The following KANSL1L variants were observed in gnomAD, a reference collection of about 807,000 sequenced individuals.
The protein encoded by KANSL1L is KAT8 regulatory NSL complex subunit 1-like protein.
In KANSL1L, 25 loss-of-function variants were observed where a neutral mutation model predicts 108.6. That is an observed-to-expected ratio of 0.23 (90% CI 0.17 to 0.32). The LOEUF (loss-of-function observed/expected upper bound fraction) is 0.32, where lower values mean the gene tolerates loss of function less well. Ranked by LOEUF, KANSL1L falls within the 10% of genes least tolerant of loss-of-function variation. The pLI, the probability that KANSL1L is intolerant of heterozygous loss-of-function variation, is 1.00. For synonymous variants in KANSL1L, 405 were observed against 395.1 expected, an observed-to-expected ratio of 1.03 and a Z score of -0.30; for missense variants, 1,137 against 1,125.7, an observed-to-expected ratio of 1.01 and a Z score of -0.14.
At chr2:210,134,657 G>A (rs1326810980) in intron 2 of KANSL1L, among the ~76,000 whole-genome samples, 1 of 152,116 alleles carries the variant, frequency 6.6e-6, no homozygotes, top group Non-Finnish European at 1.5e-5. Flanking sequence ...TTGAGGGAGA[G>A]GTGGATAGTC....
At chr2:210,141,127 C>CTCCT (rs1485184345) in intron 2 of KANSL1L, among the ~76,000 whole-genome samples, 3 of 151,460 alleles carry the variant, frequency 2.0e-5, no homozygotes, top group Non-Finnish European at 4.4e-5. Flanking sequence ...CCCTCACTCC[C>CTCCT]TCCTTCCTTC....
At chr2:210,043,899 GA>G in intron 7 of KANSL1L, 39 bp downstream of exon 7, 1 of 1,382,424 alleles carries the variant, frequency 7.2e-7, no homozygotes, top group South Asian at 1.4e-5. Flanking sequence ...TTTCAGTACA[GA>G]AAATATCGTT....
At chr2:210,080,807 T>G (rs1169294379) in intron 5 of KANSL1L, among the ~76,000 whole-genome samples, 1 of 151,898 alleles carries the variant, frequency 6.6e-6, no homozygotes, top group Non-Finnish European at 1.5e-5. Flanking sequence ...CTTGTCCCTT[T>G]TTGCCTTATC....
In KANSL1L at chr2:210,170,555, G is replaced by C. The variant is rs115131201; in HGVS notation, c.-30+594C>G. 1,236 of 166,522 alleles carry C rather than the reference G, an allele frequency of 7.4e-3. 19 individuals carry two copies. The highest frequency in any genetic ancestry group is 0.028 in the African/African-American group (1,163 of 41,800). 10.3% of individuals were successfully genotyped at this position (166,522 alleles called of 1,614,324 possible). On this transcript the variant is annotated intron_variant, in intron 1 of 14. Transcript: ENST00000281772. The stretch of plus-strand genomic sequence containing the variant: ...GACCGGTCCCTTCCTCAGCACACCG[G>C]TGACACAAACTTGGAAGCACCGTCC...
At chr2:210,094,530 G>T (rs2094719347) in intron 5 of KANSL1L, among the ~76,000 whole-genome samples, 1 of 152,008 alleles carries the variant, frequency 6.6e-6, no homozygotes, top group South Asian at 2.1e-4. Flanking sequence ...TCTACTCCCA[G>T]TGTCAAAAGG....
rs1419875943 is a variant in KANSL1L at position 210,171,392 on chromosome 2, G to T, written c.-273C>A. 6.0e-6 allele frequency: 1 copy of T among 165,344 alleles called. No homozygotes were observed. The highest frequency in any genetic ancestry group is 1.3e-5 in the Non-Finnish European group (1 of 77,892). The allele number at this position is 165,344 out of a possible 1,614,324, so 10.2% of individuals were successfully genotyped here. ...GCAGCTCCGTGCGGCTCGGGGGGAC[G>T]GAACCCTGCCGCGGTCTGGGAGCAG... On this transcript the variant is annotated 5_prime_UTR_variant, in exon 1 of 15. Transcript: ENST00000281772.
chr2:210,140,288 T>C (rs140370750), intron 2 of KANSL1L, among the ~76,000 whole-genome samples: 154 of 152,352 alleles, frequency 1.0e-3, no homozygotes, highest in African/African-American at 3.7e-3. Flanking sequence ...TTCTGTTTTA[T>C]TCAGGTCTTA....
intron 1 of KANSL1L, among the ~76,000 whole-genome samples, chr2:210,166,403 A>T (rs1053611871): frequency 5.9e-5 from 9 of 152,298 alleles, no homozygotes; most frequent in Admixed American, 5.2e-4. Context: ...AATTTTTGAC[A>T]AACTTTCTAA....
rs147687715 is a variant in KANSL1L at position 210,162,329 on chromosome 2, G to T, written c.-29-7718C>A. 2.0e-5 allele frequency among the ~76,000 whole-genome samples: 3 copies of T among 150,400 alleles called. No homozygotes were observed. In the East Asian group the frequency reaches 5.9e-4, roughly 29 times the overall value. On this transcript the variant is annotated intron_variant, in intron 1 of 14. Transcript: ENST00000281772. ...GACAAAGACTTAACAGGAATTAAGG[G>T]AAAGGAAGGAATCAAGGATGACTCC... is the stretch of plus-strand genomic sequence containing the variant.
intron 3 of KANSL1L, among the ~76,000 whole-genome samples, chr2:210,105,417 G>C (rs1483749772): frequency 6.8e-6 from 1 of 146,888 alleles, no homozygotes; most frequent in African/African-American, 2.5e-5. Flanking sequence ...AATTCCTATA[G>C]GCTAGTTGGA....
At chr2:210,129,290 A>C (rs1413060576) in intron 2 of KANSL1L, 118 bp from the exon 3 acceptor site, 8 of 764,430 alleles carry the variant, frequency 1.0e-5, no homozygotes, top group Non-Finnish European at 1.6e-5. Flanking sequence ...ACAACATGTA[A>C]TTACAGGAAG....
chr2:210,153,839 G>C lies in KANSL1L; in HGVS notation c.744C>G (p.Leu248=), dbSNP rs770865263. The C allele has an allele frequency of 1.2e-6, 2 of 1,612,512 alleles. No homozygotes were observed. The highest frequency in any genetic ancestry group is 2.7e-5 in the African/African-American group (2 of 74,796). ...AGTGCTTAACAACATGCTTTGCCAG[G>C]AGCATCTGCAAATGTTTCTGAGTTC... ...ARRTQKHLQM[L]LAKHVVKHYG... is the part of the protein sequence containing the mutation. Residue 248 remains leucine, a synonymous_variant, in exon 2 of 15, where the codon CTC becomes CTG. Coordinates refer to ENST00000281772, the MANE Select transcript of KANSL1L (RefSeq NM_152519.4).
At chr2:210,098,643 C>T (rs1168687269) in intron 4 of KANSL1L, among the ~76,000 whole-genome samples, 1 of 151,994 alleles carries the variant, frequency 6.6e-6, no homozygotes, top group Non-Finnish European at 1.5e-5. Context: ...ATTAGAGGTA[C>T]TGACATCACT....
At chr2:210,156,626 T>A (rs895172222) in intron 1 of KANSL1L, among the ~76,000 whole-genome samples, 9 of 152,206 alleles carry the variant, frequency 5.9e-5, no homozygotes, top group Middle Eastern at 6.8e-3. Context: ...TATATACGTA[T>A]ACATTTGTGT....
At chr2:210,096,807 C>G (rs898686940) in intron 5 of KANSL1L, 3 of 929,702 alleles carry the variant, frequency 3.2e-6, no homozygotes, top group Admixed American at 1.2e-4. Context: ...AAAGCAAAAC[C>G]AATAGAACTG....
chr2:210,068,731 TG>T (rs766448253), intron 6 of KANSL1L, among the ~76,000 whole-genome samples: 11 of 152,236 alleles, frequency 7.2e-5, no homozygotes, highest in Non-Finnish European at 1.3e-4. Context: ...TGGTTTAAGC[TG>T]GTAGTGTTGC....
At chr2:210,103,289 GA>G (rs2094813365) in intron 4 of KANSL1L, among the ~76,000 whole-genome samples, 1 of 150,086 alleles carries the variant, frequency 6.7e-6, no homozygotes, top group Non-Finnish European at 1.5e-5. Flanking sequence ...TTGGACACAG[GA>G]AGGGGGACAT....
At chr2:210,099,493 A>G (rs1258239909) in intron 4 of KANSL1L, among the ~76,000 whole-genome samples, 1 of 152,244 alleles carries the variant, frequency 6.6e-6, no homozygotes, top group Non-Finnish European at 1.5e-5. Flanking sequence ...TTTTGAAGAT[A>G]GTATGCACCT....
chr2:210,048,419 C>T (rs1158309884), intron 6 of KANSL1L, among the ~76,000 whole-genome samples: 1 of 151,872 alleles, frequency 6.6e-6, no homozygotes, highest in Non-Finnish European at 1.5e-5. Flanking sequence ...GCAATTCTGT[C>T]TTTAGCTCTG....
Sources: gnomAD v4.1 joint callset for allele counts (sites outside exome capture counted in the v4.1 genomes callset) on GRCh38, gnomAD v4.1.1 for gene constraint, MANE v1.5 for transcripts, NCBI Gene and HGNC (gene_info 2026-07-23, HGNC 2026-07-21) for gene names.